CORO1B: variants seen among roughly 807,000 people sequenced by gnomAD.
CORO1B encodes the protein coronin 1B, also known as coronin-1B.
CORO1B carries 30 observed loss-of-function variants against 51.1 expected under a neutral mutation model. The observed-to-expected ratio is 0.59, with a 90% CI of 0.44 to 0.80. The LOEUF (loss-of-function observed/expected upper bound fraction) is 0.80, where lower values mean the gene tolerates loss of function less well. CORO1B is among the 30% of genes least tolerant of loss of function. CORO1B has a pLI of 0.00. For missense variants in CORO1B, 648 were observed against 700.4 expected, an observed-to-expected ratio of 0.93 and a Z score of 0.84; for synonymous variants, 310 against 289.7, an observed-to-expected ratio of 1.07 and a Z score of -0.71.
chr11:67,442,372 G>A (rs1864414135), intron 2 of CORO1B, 56 bp downstream of exon 2: 2 of 1,555,430 alleles, frequency 1.3e-6, no homozygotes, highest in Non-Finnish European at 1.8e-6. Flanking sequence ...TGTGCAGAAA[G>A]GCCCAGTAGG....
rs1026155690 is a variant in CORO1B, at chr11:67,437,206, G to T, written c.*1170C>A. ...ACAGGCGTGCAGGGCCGGGGGCTGG[G>T]GGGGGCTGGGGGAGGCGGGCGCAGC... On this transcript the variant is annotated 3_prime_UTR_variant, in exon 11 of 11. Transcript: ENST00000341356. 8 of 171,578 alleles carry T rather than the reference G, an allele frequency of 4.7e-5. No individual in the cohort carries two copies. Among genetic ancestry groups the T allele is most frequent in the Non-Finnish European group, 8.6e-5 (7 of 81,020 alleles). 10.6% of individuals were successfully genotyped at this position (171,578 alleles called of 1,614,324 possible).
At position 67,435,896 on chromosome 11, in the gene CORO1B, C is replaced by T; in HGVS notation, c.*2480G>A. The stretch of plus-strand genomic sequence containing the variant: ...GAGGACCAGGTCGCCCTCCGTGTCA[C>T]TGTCTCTGGCTTCCTCAGCCCGCAC... On this transcript the variant is annotated 3_prime_UTR_variant, in exon 11 of 11. Transcript: ENST00000341356. 6.2e-7 allele frequency: 1 copy of T among 1,612,364 alleles called. No homozygotes were observed. The highest frequency in any genetic ancestry group is 1.1e-5 in the South Asian group (1 of 91,010).
Position 67,436,445 on chromosome 11 carries a change from C to T in CORO1B, c.*1931G>A, listed in dbSNP as rs1236395097. ...TGACCAAGACCACTTTCGTTTTTTT[C>T]TCTTTGGGATCCTCTTGGGACAGCC... On this transcript the variant is annotated 3_prime_UTR_variant, in exon 11 of 11. Coordinates refer to ENST00000341356, the MANE Select transcript of CORO1B (RefSeq NM_020441.3). 29 of 1,350,786 alleles carry T rather than the reference C, an allele frequency of 2.1e-5. No homozygotes were observed. The highest frequency in any genetic ancestry group is 2.8e-5 in the Non-Finnish European group (29 of 1,032,644). The allele number at this position is 1,350,786 out of a possible 1,614,324, so 83.7% of individuals were successfully genotyped here. A position where few individuals can be genotyped will look rare whatever the true frequency, so the allele number is the denominator to read the frequency against.
chr11:67,438,436 C>A lies in CORO1B; in HGVS notation c.1410G>T (p.Gln470His), dbSNP rs1397925236. Residue 470 changes from glutamine (Q) to histidine (H), a missense_variant, in exon 11 of 11, where the codon CAG (glutamine) becomes CAT (histidine). Coordinates refer to ENST00000341356, the MANE Select transcript of CORO1B (RefSeq NM_020441.3). ...CCTCCAGGCGGCAGATGCGGTCGCCCTGCTCCTTGACCAGCGCCCTCAGGG... is the reference window on the plus strand; with the variant it reads ...CCTCCAGGCGGCAGATGCGGTCGCCATGCTCCTTGACCAGCGCCCTCAGGG... ...LRALRALVKE[Q>H]GDRICRLEEQ... 1.2e-6 allele frequency: 2 copies of A among 1,611,472 alleles called. No homozygotes were observed. The highest frequency in any genetic ancestry group is 1.6e-4 in the Middle Eastern group (1 of 6,070).
chr11:67,437,248 C>T lies in CORO1B; in HGVS notation c.*1128G>A, dbSNP rs945147734. 7.9e-5 allele frequency: 17 copies of T among 214,860 alleles called. No individual in the cohort carries two copies. Among genetic ancestry groups the T allele is most frequent in the African/African-American group, 2.5e-4 (11 of 43,724 alleles). The allele number at this position is 214,860 out of a possible 1,614,324, so 13.3% of individuals were successfully genotyped here. A position where few individuals can be genotyped will look rare whatever the true frequency, so the allele number is the denominator to read the frequency against. On this transcript the variant is annotated 3_prime_UTR_variant, in exon 11 of 11. Transcript: ENST00000341356. ...GGGCGCAGCTGCCAGAGGAAGTCTG[C>T]GGTCGGAACAGGCTAGGTGGGGGGT...
rs1864306942 is a variant in CORO1B at position 67,437,289 on chromosome 11, C to T, written c.*1087G>A. ...GGTGGGGGGTGTCGGGGGAGGGGTG[C>T]TGAGGTGCAGCCAGCCTCCCCCACC... is the stretch of plus-strand genomic sequence containing the variant. On this transcript the variant is annotated 3_prime_UTR_variant, in exon 11 of 11. Coordinates refer to ENST00000341356, the MANE Select transcript of CORO1B (RefSeq NM_020441.3). 1 of 299,042 alleles carries T rather than the reference C, an allele frequency of 3.3e-6. No homozygotes were observed. Among genetic ancestry groups the T allele is most frequent in the Non-Finnish European group, 6.1e-6 (1 of 162,752 alleles). The allele number at this position is 299,042 out of a possible 1,614,324, so 18.5% of individuals were successfully genotyped here.
At chr11:67,443,692 G>T, upstream of CORO1B, 1 of 978,268 alleles carries the variant, frequency 1.0e-6, no homozygotes, top group Non-Finnish European at 1.2e-6. Flanking sequence ...GAAGGGGGCG[G>T]GGCGGGGCAG....
rs544131075 is a variant in CORO1B, at chr11:67,435,560, G to C, written c.*2816C>G. 40 of 950,824 alleles carry C rather than the reference G, an allele frequency of 4.2e-5. No homozygotes were observed. The highest frequency in any genetic ancestry group is 5.8e-5 in the African/African-American group (2 of 34,282). 58.9% of individuals were successfully genotyped at this position (950,824 alleles called of 1,614,324 possible). On this transcript the variant is annotated 3_prime_UTR_variant, in exon 11 of 11. Coordinates refer to ENST00000341356, the MANE Select transcript of CORO1B (RefSeq NM_020441.3). ...AATGGTTGCCTGATGCCTGTGGTTGGGGGGGGCCGTTCCCGTGGTGAGCGG... is the reference window on the plus strand; with the variant it reads ...AATGGTTGCCTGATGCCTGTGGTTGCGGGGGGCCGTTCCCGTGGTGAGCGG...
chr11:67,441,949 C>CCAGT lies in CORO1B; in HGVS notation c.324+13_324+16dup. On this transcript the variant is annotated intron_variant, in intron 3 of 10. Coordinates refer to ENST00000341356, the MANE Select transcript of CORO1B (RefSeq NM_020441.3). ...GGCCACACCCACGACCCTGGCCCAG[C>CCAGT]CAGTCCTGTGCCTCACCATGACCGT... is the stretch of plus-strand genomic sequence containing the variant. The CCAGT allele has an allele frequency of 3.1e-6, 5 of 1,613,068 alleles. No individual in the cohort carries two copies. In the East Asian group the frequency reaches 1.1e-4, roughly 36 times the overall value.
Position 67,442,722 on chromosome 11 carries a change from G to A in CORO1B, c.-2-92C>T, listed in dbSNP as rs1864423949. ...GAAGGTGAGCCGGGAGGATGCAACC[G>A]GGGGCCAGGCCACCGTAACCCTCCT... On this transcript the variant is annotated intron_variant, in intron 1 of 10. Transcript: ENST00000341356. The A allele has an allele frequency of 9.1e-6, 12 of 1,323,952 alleles. No individual in the cohort carries two copies. The East Asian group carries it at 1.4e-4, about 16-fold the overall frequency. The allele number at this position is 1,323,952 out of a possible 1,614,324, so 82.0% of individuals were successfully genotyped here.
At chr11:67,440,951 C>A in intron 6 of CORO1B, 174 bp downstream of exon 6, 1 of 851,664 alleles carries the variant, frequency 1.2e-6, no homozygotes. Context: ...AGTGGTGGGG[C>A]AGTCGGGCGA....
intron 8 of CORO1B, 78 bp downstream of exon 8, chr11:67,440,040 G>T: frequency 6.5e-7 from 1 of 1,531,370 alleles, no homozygotes; most frequent in Non-Finnish European, 8.8e-7. Context: ...AAGGTTTCCT[G>T]CTCCCAAGCA....
rs1864281395 is a variant in CORO1B at position 67,436,417 on chromosome 11, G to C, written c.*1959C>G. 1 of 1,414,798 alleles carries C rather than the reference G, an allele frequency of 7.1e-7. No homozygotes were observed. Among genetic ancestry groups the C allele is most frequent in the Non-Finnish European group, 9.2e-7 (1 of 1,087,980 alleles). 87.6% of individuals were successfully genotyped at this position (1,414,798 alleles called of 1,614,324 possible). A position where few individuals can be genotyped will look rare whatever the true frequency, so the allele number is the denominator to read the frequency against. ...GGTGGGGCCTGGTGTGGGGCAGGCT[G>C]GGTGACCAAGACCACTTTCGTTTTT... On this transcript the variant is annotated 3_prime_UTR_variant, in exon 11 of 11. Transcript: ENST00000341356.
At position 67,437,689 on chromosome 11, in the gene CORO1B, A is replaced by G; in HGVS notation, c.*687T>C. On this transcript the variant is annotated 3_prime_UTR_variant, in exon 11 of 11. Coordinates refer to ENST00000341356, the MANE Select transcript of CORO1B (RefSeq NM_020441.3). Reference sequence around the variant, plus strand: ...GCTGTGTCGAGCGAGAAGTGAGCTCAGTGCTCGTCTGCAGTGAAGGGTGGC... The same window carrying G: ...GCTGTGTCGAGCGAGAAGTGAGCTCGGTGCTCGTCTGCAGTGAAGGGTGGC... The G allele has an allele frequency of 7.5e-7, 1 of 1,333,556 alleles. No homozygotes were observed. Among genetic ancestry groups the G allele is most frequent in the Non-Finnish European group, 9.7e-7 (1 of 1,031,904 alleles). 82.6% of individuals were successfully genotyped at this position (1,333,556 alleles called of 1,614,324 possible). A position where few individuals can be genotyped will look rare whatever the true frequency, so the allele number is the denominator to read the frequency against.
In CORO1B at chr11:67,438,501, C is replaced by T. The variant is rs752057952; in HGVS notation, c.1345G>A (p.Glu449Lys). ...TPSGSLARAGEAGKLEEVMQE... is the reference protein window; with the variant it reads ...TPSGSLARAGKAGKLEEVMQE... Reference sequence around the variant, plus strand: ...ATCACCTCCTCCAGCTTCCCAGCCTCCTGTGGGGACATGAAGCAGGGGTAG... The same window carrying T: ...ATCACCTCCTCCAGCTTCCCAGCCTTCTGTGGGGACATGAAGCAGGGGTAG... Residue 449 changes from glutamate (E) to lysine (K), a missense_variant and splice_region_variant, in exon 11 of 11, where the codon GAG (glutamate) becomes AAG (lysine). Physicochemically the swap from Glu to Lys is moderately conservative, Grantham distance 56. Coordinates refer to ENST00000341356, the MANE Select transcript of CORO1B (RefSeq NM_020441.3). 2.5e-6 allele frequency: 4 copies of T among 1,605,936 alleles called. No individual in the cohort carries two copies. The highest frequency in any genetic ancestry group is 1.1e-5 in the South Asian group (1 of 90,706).
intron 5 of CORO1B, 43 bp downstream of exon 5, chr11:67,441,290 C>T (rs779559968): frequency 1.9e-6 from 3 of 1,612,872 alleles, no homozygotes; most frequent in Non-Finnish European, 2.5e-6. Flanking sequence ...GCTCAAGGTC[C>T]TGGGCCTATC....
At chr11:67,443,658 G>C (rs1452020496), upstream of CORO1B, 58 of 866,976 alleles carry the variant, frequency 6.7e-5, no homozygotes, top group Non-Finnish European at 8.0e-5. Context: ...CCGGTGGAGC[G>C]CCCCCACCGC....
Position 67,438,789 on chromosome 11 carries a change from C to T in CORO1B, c.1226G>A (p.Arg409His), listed in dbSNP as rs939532839. Residue 409 changes from arginine (R) to histidine (H), a missense_variant, in exon 10 of 11, where the codon CGC becomes CAC. Transcript: ENST00000341356. ...GGGCCGGCTGTCAGACAACACGTTGCGCCGGCTGATCTTCAGGTCCCGCTG... is the reference window on the plus strand; with the variant it reads ...GGGCCGGCTGTCAGACAACACGTTGTGCCGGCTGATCTTCAGGTCCCGCTG... ...SKQRDLKISR[R>H]NVLSDSRPAM... The T allele has an allele frequency of 4.1e-5, 66 of 1,599,222 alleles. No homozygotes were observed. The highest frequency in any genetic ancestry group is 6.8e-5 in the Admixed American group (4 of 58,530).
chr11:67,438,475 C>T lies in CORO1B; in HGVS notation c.1371G>A (p.Met457Ile), dbSNP rs201115607. ...GCGCCCTCAGGGCCCGCAGCTCCTG[C>T]ATCACCTCCTCCAGCTTCCCAGCCT... ...AGEAGKLEEVMQELRALRALV... is the reference protein window; with the variant it reads ...AGEAGKLEEVIQELRALRALV... The change falls in exon 11 of 11, where the codon ATG becomes ATA. Residue 457 changes from methionine to isoleucine, a missense_variant. By Grantham distance (10) the Met-to-Ile change is conservative (BLOSUM62 1). Coordinates refer to ENST00000341356, the MANE Select transcript of CORO1B (RefSeq NM_020441.3). The T allele has an allele frequency of 2.5e-6, 4 of 1,609,906 alleles. No homozygotes were observed. The highest frequency in any genetic ancestry group is 3.4e-6 in the Non-Finnish European group (4 of 1,177,862).
Sources: gnomAD v4.1 joint callset for allele counts on GRCh38, gnomAD v4.1.1 for gene constraint, MANE v1.5 for transcripts, NCBI Gene and HGNC (gene_info 2026-07-23, HGNC 2026-07-21) for gene names.